SELENOI: variants seen among roughly 807,000 people sequenced by gnomAD.
SELENOI encodes the protein selenoprotein I.
Under a neutral mutation model 50.7 loss-of-function variants are expected in SELENOI, and 24 were observed. The observed-to-expected ratio is 0.47, with a 90% CI of 0.34 to 0.67. SELENOI has a LOEUF of 0.67. Ranked by LOEUF, SELENOI falls within the 30% of genes least tolerant of loss-of-function variation. The pLI is 0.01. For synonymous variants in SELENOI, 155 were observed against 170.2 expected (o/e 0.91, Z 0.70); for missense variants, 352 against 461.4 (o/e 0.76, Z 2.17).
chr2:26,375,036 C>T lies in SELENOI; in HGVS notation c.574-4C>T. The stretch of plus-strand genomic sequence containing the variant: ...GTATGCTTTTGTCTGCATTTTCCTT[C>T]CAGACTATTTCTTTTGTCTACATAG... On this transcript the variant is annotated splice_region_variant and splice_polypyrimidine_tract_variant and intron_variant, in intron 5 of 9. Coordinates refer to ENST00000260585, the MANE Select transcript of SELENOI (RefSeq NM_033505.4). 2 of 1,598,776 alleles carry T rather than the reference C, an allele frequency of 1.3e-6. No individual in the cohort carries two copies. Among genetic ancestry groups the T allele is most frequent in the Non-Finnish European group, 1.7e-6 (2 of 1,166,990 alleles).
In SELENOI at chr2:26,359,567, C is replaced by T. The variant is rs530776825; in HGVS notation, c.58-4735C>T. On this transcript the variant is annotated intron_variant, in intron 1 of 9. Coordinates refer to ENST00000260585, the MANE Select transcript of SELENOI (RefSeq NM_033505.4). ...CTGAGGCAGGAGAATCGTTTGAACC[C>T]GGGAGGCAGAGGTTGCAGTGAGCTG... is the stretch of plus-strand genomic sequence containing the variant. Among the ~76,000 whole-genome samples, 7 of 152,088 alleles carry T rather than the reference C, an allele frequency of 4.6e-5. No homozygotes were observed. In the East Asian group the frequency reaches 7.8e-4, roughly 17 times the overall value.
intron 3 of SELENOI, 127 bp from the exon 4 acceptor site, chr2:26,367,019 C>G: frequency 1.3e-6 from 1 of 765,574 alleles, no homozygotes; most frequent in Non-Finnish European, 1.9e-6. Flanking sequence ...ATTCTGGATT[C>G]AAAATATATT....
Position 26,361,475 on chromosome 2 carries a change from A to C in SELENOI, c.58-2827A>C, listed in dbSNP as rs150514068. ...TGTGAATTTGGTCTCTCTCTCTCAAAACGTCTGTGTGTACTGTACTTACCT... is the reference window on the plus strand; with the variant it reads ...TGTGAATTTGGTCTCTCTCTCTCAACACGTCTGTGTGTACTGTACTTACCT... On this transcript the variant is annotated intron_variant, in intron 1 of 9. Transcript: ENST00000260585. Among the ~76,000 whole-genome samples the C allele has an allele frequency of 7.2e-3, 1,093 of 152,276 alleles. 6 individuals are homozygous for C. The highest frequency in any genetic ancestry group is 0.024 in the Middle Eastern group (7 of 294).
chr2:26,382,232 TGAGA>T (rs762310255), intron 6 of SELENOI, among the ~76,000 whole-genome samples: 1 of 152,064 alleles, frequency 6.6e-6, no homozygotes, highest in Non-Finnish European at 1.5e-5. Context: ...AGAGGGATTC[TGAGA>T]GAGAGAGAGT....
chr2:26,377,530 G>A (rs1261654852), intron 6 of SELENOI, among the ~76,000 whole-genome samples: 1 of 152,054 alleles, frequency 6.6e-6, no homozygotes. Context: ...TACTTGGGAG[G>A]CTGAGGCAGG....
In SELENOI at chr2:26,389,088, G is replaced by T. The variant is rs1295983611; in HGVS notation, c.1179G>T (p.Lys393Asn). 3 of 1,575,696 alleles carry T rather than the reference G, an allele frequency of 1.9e-6. No homozygotes were observed. Among genetic ancestry groups the T allele is most frequent in the Non-Finnish European group, 2.6e-6 (3 of 1,158,762 alleles). Residue 393 changes from lysine (K) to asparagine (N), a missense_variant, in exon 10 of 10, where the codon AAG (lysine) becomes AAT (asparagine). Lys to Asn is a moderately conservative substitution (Grantham distance 94, BLOSUM62 0). Transcript: ENST00000260585. ...CAGATTGACTAGGAATGGAAGAAAAGAATATTGGCCTGTAATAATCTTTCT... is the reference window on the plus strand; with the variant it reads ...CAGATTGACTAGGAATGGAAGAAAATAATATTGGCCTGTAATAATCTTTCT... Reference protein sequence around the residue: ...PNSDULGMEEKNIGL With the variant: ...PNSDULGMEENNIGL
intron 4 of SELENOI, among the ~76,000 whole-genome samples, chr2:26,369,687 A>C (rs910993572): frequency 7.2e-5 from 11 of 152,168 alleles, no homozygotes; most frequent in Non-Finnish European, 1.5e-4. Context: ...CTCTATTCAG[A>C]TACCTTTAGT....
At chr2:26,355,271 G>A (rs946624906) in intron 1 of SELENOI, among the ~76,000 whole-genome samples, 3 of 152,204 alleles carry the variant, frequency 2.0e-5, no homozygotes, top group Admixed American at 1.3e-4. Flanking sequence ...GAAGTGAAGG[G>A]TGGCAACGTA....
rs1316363089 is a variant in SELENOI at position 26,390,057 on chromosome 2, G to T, written c.*954G>T. 1.4e-5 allele frequency: 2 copies of T among 146,706 alleles called. No individual in the cohort carries two copies. The highest frequency in any genetic ancestry group is 5.1e-5 in the African/African-American group (2 of 39,226). 9.1% of individuals were successfully genotyped at this position (146,706 alleles called of 1,614,324 possible). ...CCCTCTCTTCTTTTTTCAGGGTGAGGTGCTGTGTTTCTTATTTCATACGAG... is the reference window on the plus strand; with the variant it reads ...CCCTCTCTTCTTTTTTCAGGGTGAGTTGCTGTGTTTCTTATTTCATACGAG... On this transcript the variant is annotated 3_prime_UTR_variant, in exon 10 of 10. Transcript: ENST00000260585.
Position 26,375,047 on chromosome 2 carries a change from C to T in SELENOI, c.581C>T (p.Ser194Phe). 1.2e-6 allele frequency: 2 copies of T among 1,610,362 alleles called. No individual in the cohort carries two copies. Among genetic ancestry groups the T allele is most frequent in the Non-Finnish European group, 1.7e-6 (2 of 1,177,388 alleles). Residue 194 changes from serine to phenylalanine, a missense_variant, in exon 6 of 10, where the codon TCT (serine) becomes TTT (phenylalanine). Transcript: ENST00000260585. ...TCTGCATTTTCCTTCCAGACTATTT[C>T]TTTTGTCTACATAGTGACTGCAGTT... is the stretch of plus-strand genomic sequence containing the variant. ...WGYDISQVTI[S>F]FVYIVTAVVG...
chr2:26,379,291 T>C (rs1024051659), intron 6 of SELENOI, among the ~76,000 whole-genome samples: 20 of 152,142 alleles, frequency 1.3e-4, no homozygotes, highest in African/African-American at 4.6e-4. Context: ...AAAATTTCTT[T>C]TAATCTACGT....
chr2:26,379,671 A>G (rs765033222), intron 6 of SELENOI, among the ~76,000 whole-genome samples: 2 of 152,202 alleles, frequency 1.3e-5, no homozygotes. Context: ...TAATAATATT[A>G]ACAGACATTG....
chr2:26,388,111 A>C (rs193152749), intron 9 of SELENOI, among the ~76,000 whole-genome samples: 2 of 152,330 alleles, frequency 1.3e-5, no homozygotes, highest in East Asian at 3.9e-4. Context: ...AGACATAATT[A>C]TTTTTGTTTT....
At chr2:26,371,378 G>C (rs1253864419) in intron 4 of SELENOI, among the ~76,000 whole-genome samples, 3 of 150,404 alleles carry the variant, frequency 2.0e-5, no homozygotes, top group African/African-American at 7.5e-5. Flanking sequence ...CCCAGACGAT[G>C]GGCAGCCGGG....
rs182750437 is a variant in SELENOI, at chr2:26,379,851, A to G, written c.683-3448A>G. On this transcript the variant is annotated intron_variant, in intron 6 of 9. Coordinates refer to ENST00000260585, the MANE Select transcript of SELENOI (RefSeq NM_033505.4). ...TTTTTATCTCCTTTAAACTATGACA[A>G]AATCCTTGGTTTTAAGTGACACAGA... 6.6e-5 allele frequency among the ~76,000 whole-genome samples: 10 copies of G among 152,308 alleles called. No individual in the cohort carries two copies. The East Asian group carries it at 1.9e-3, about 29-fold the overall frequency.
intron 6 of SELENOI, among the ~76,000 whole-genome samples, chr2:26,381,198 CTTTTTTTTTTTTTTTTTTTTTT>C (rs57102834): frequency 3.3e-5 from 1 of 30,188 alleles, no homozygotes; most frequent in Non-Finnish European, 5.2e-5. Flanking sequence ...TCAGTTTGGT[CTTTTTTTTTTTTTTTTTTTTTT>C]TTTTTTTTTA....
chr2:26,358,543 G>A (rs1677111417), intron 1 of SELENOI, among the ~76,000 whole-genome samples: 1 of 152,150 alleles, frequency 6.6e-6, no homozygotes, highest in African/African-American at 2.4e-5. Flanking sequence ...CAGTCTTGAG[G>A]GAAATATTTA....
At chr2:26,383,221 AT>A in intron 6 of SELENOI, 77 bp from the exon 7 acceptor site, 1 of 1,068,532 alleles carries the variant, frequency 9.4e-7, no homozygotes. Context: ...GTCTAAAAAA[AT>A]TTGTTTTGCA....
At chr2:26,387,303 G>A (rs946999356) in intron 9 of SELENOI, among the ~76,000 whole-genome samples, 3 of 152,068 alleles carry the variant, frequency 2.0e-5, no homozygotes, top group African/African-American at 7.2e-5. Context: ...AACATAGGCT[G>A]TGCAATATTC....
Sources: allele counts gnomAD v4.1 joint callset (sites outside exome capture counted in the v4.1 genomes callset), GRCh38; gene constraint gnomAD v4.1.1; transcripts MANE v1.5; gene names NCBI Gene and HGNC (gene_info 2026-07-23, HGNC 2026-07-21).